Variants in DMD observed in about 807,000 individuals in gnomAD.
The protein encoded by DMD is dystrophin.
A neutral mutation model predicts 330.1 loss-of-function variants in DMD; 63 were observed. The observed-to-expected ratio is 0.19, with a 90% CI of 0.16 to 0.24. DMD has a LOEUF of 0.24. Among genes scored for constraint, DMD ranks in the 10% least tolerant of loss-of-function variants. DMD has a pLI of 1.00. For synonymous variants in DMD, 1,223 were observed against 959.8 expected, an observed-to-expected ratio of 1.27 and a Z score of -5.07; for missense variants, 3,344 against 2,684.1, an observed-to-expected ratio of 1.25 and a Z score of -5.43.
chrX:31,823,510 T>C (rs917922257), intron 49 of DMD, among the ~76,000 whole-genome samples: 1 of 111,821 alleles, frequency 8.9e-6, no homozygotes, highest in East Asian at 2.8e-4. Context: ...CTACATACCA[T>C]GGATGACTTT....
intron 44 of DMD, among the ~76,000 whole-genome samples, chrX:32,200,526 C>T (rs748248248): frequency 1.1e-4 from 12 of 110,818 alleles, no homozygotes; most frequent in South Asian, 3.8e-4. Context: ...TGTTAGGTAA[C>T]GTGTTTTACA....
At chrX:32,528,271 T>A (rs982351459) in intron 17 of DMD, among the ~76,000 whole-genome samples, 5 of 110,599 alleles carry the variant, frequency 4.5e-5, no homozygotes, top group Non-Finnish European at 9.4e-5. Context: ...ATTGTGCCAC[T>A]ACATTCCAGC....
intron 60 of DMD, among the ~76,000 whole-genome samples, chrX:31,379,548 CA>C (rs751591817): frequency 1.8e-5 from 2 of 111,534 alleles, no homozygotes; most frequent in East Asian, 2.8e-4. Flanking sequence ...CATTAAACTC[CA>C]AAAATTAAAT....
At chrX:32,068,951 A>G (rs2096278051) in intron 44 of DMD, among the ~76,000 whole-genome samples, 3 of 111,593 alleles carry the variant, frequency 2.7e-5, no homozygotes, top group African/African-American at 9.8e-5. Flanking sequence ...AATATTTGCA[A>G]TCAATATTGT....
intron 1 of DMD, among the ~76,000 whole-genome samples, chrX:33,129,657 C>T (rs1203524495): frequency 9.2e-6 from 1 of 108,736 alleles, no homozygotes; most frequent in Non-Finnish European, 1.9e-5. Context: ...TTTTCAGATG[C>T]GGAAATTTCA....
At chrX:32,660,696 T>A (rs940548755) in intron 9 of DMD, among the ~76,000 whole-genome samples, 4 of 111,295 alleles carry the variant, frequency 3.6e-5, no homozygotes, top group Non-Finnish European at 7.6e-5. Flanking sequence ...TTGGAAATAA[T>A]TTGAGAAATA....
At chrX:32,382,821 T>C (rs2097933955) in intron 33 of DMD, among the ~76,000 whole-genome samples, 1 of 110,986 alleles carries the variant, frequency 9.0e-6, no homozygotes, top group Non-Finnish European at 1.9e-5. Flanking sequence ...TATTGATTTT[T>C]ATTTATTTCA....
intron 44 of DMD, among the ~76,000 whole-genome samples, chrX:32,094,089 A>G (rs1401488404): frequency 8.9e-6 from 1 of 111,984 alleles, no homozygotes; most frequent in Non-Finnish European, 1.9e-5. Context: ...TGCAAGTTGT[A>G]AAATTTACTC....
intron 2 of DMD, among the ~76,000 whole-genome samples, chrX:32,931,497 T>G (rs771540413): frequency 8.9e-6 from 1 of 111,979 alleles, no homozygotes; most frequent in South Asian, 3.7e-4. Context: ...TGCTGAATCT[T>G]TTGTTCACAT....
chrX:32,000,354 G>A (rs762301965), intron 44 of DMD, among the ~76,000 whole-genome samples: 19 of 112,048 alleles, frequency 1.7e-4, no homozygotes, highest in Admixed American at 4.7e-4. Context: ...AGAACAAATA[G>A]GTTGAACATA....
At chrX:31,833,956 G>A (rs1313766693) in intron 49 of DMD, among the ~76,000 whole-genome samples, 1 of 110,256 alleles carries the variant, frequency 9.1e-6, no homozygotes, top group African/African-American at 3.3e-5. Context: ...GTTTCCAAAT[G>A]CACCTCCCCC....
chrX:32,543,640 A>G (rs1171272008), intron 17 of DMD, among the ~76,000 whole-genome samples: 1 of 112,046 alleles, frequency 8.9e-6, no homozygotes, highest in Non-Finnish European at 1.9e-5. Flanking sequence ...AATTCATCAA[A>G]AGCTTCACGG....
rs770945834 is a variant in DMD, at chrX:31,307,670, T to C, written c.9224+15928A>G. 3.6e-5 allele frequency among the ~76,000 whole-genome samples: 4 copies of C among 111,870 alleles called. No individual in the cohort carries two copies. The South Asian group carries it at 1.5e-3, about 42-fold the overall frequency. Reference sequence around the variant, plus strand: ...GTATCAACATCGGGCATTCATGCAATTAAAATCTTTTGTATGTGTCTGGTA... The same window carrying C: ...GTATCAACATCGGGCATTCATGCAACTAAAATCTTTTGTATGTGTCTGGTA... On this transcript the variant is annotated intron_variant, in intron 62 of 78. Transcript: ENST00000357033.
At chrX:32,734,467 A>C (rs1365344888) in intron 7 of DMD, among the ~76,000 whole-genome samples, 1 of 107,899 alleles carries the variant, frequency 9.3e-6, no homozygotes, top group Non-Finnish European at 1.9e-5. Context: ...ACCAAAAAAG[A>C]GAATTTTAGA....
chrX:32,277,403 G>T (rs893880234), intron 43 of DMD, among the ~76,000 whole-genome samples: 2 of 108,517 alleles, frequency 1.8e-5, no homozygotes, highest in Non-Finnish European at 3.8e-5. Context: ...TCAACATTGG[G>T]CAGATCTCCC....
chrX:31,298,772 C>T (rs896638238), intron 62 of DMD, among the ~76,000 whole-genome samples: 1 of 111,605 alleles, frequency 9.0e-6, no homozygotes, highest in African/African-American at 3.3e-5. Context: ...CAGACGTGTA[C>T]AGCTGGAGAA....
chrX:32,184,468 G>A (rs950326637), intron 44 of DMD, among the ~76,000 whole-genome samples: 1 of 111,242 alleles, frequency 9.0e-6, no homozygotes, highest in Non-Finnish European at 1.9e-5. Flanking sequence ...TCAAATAGGT[G>A]AGTAGAAAGA....
intron 1 of DMD, among the ~76,000 whole-genome samples, chrX:33,228,278 A>AGTGTGTGTGTGTGTGT (rs60369848): frequency 2.4e-4 from 22 of 93,478 alleles, no homozygotes; most frequent in Middle Eastern, 5.5e-3. Flanking sequence ...CCCAAGTTTA[A>AGTGTGTGTGTGTGTGT]GTGTGTGTGT....
intron 1 of DMD, among the ~76,000 whole-genome samples, chrX:33,189,687 G>A (rs2050438272): frequency 9.0e-6 from 1 of 111,052 alleles, no homozygotes; most frequent in Non-Finnish European, 1.9e-5. Context: ...GAGATGAGGA[G>A]AAGGGTAGGA....
Sources: allele counts gnomAD v4.1 joint callset (sites outside exome capture counted in the v4.1 genomes callset), GRCh38; gene constraint gnomAD v4.1.1; transcripts MANE v1.5; gene names NCBI Gene and HGNC (gene_info 2026-07-23, HGNC 2026-07-21).